BDNF: variants seen among roughly 807,000 people sequenced by gnomAD.
BDNF encodes brain derived neurotrophic factor.
Under a neutral mutation model 19.5 loss-of-function variants are expected in BDNF, and 1 was observed. The observed-to-expected ratio is 0.05, with a 90% confidence interval of 0.02 to 0.24. The LOEUF is 0.24. Ranked by LOEUF, BDNF falls within the 10% of genes least tolerant of loss-of-function variation. The pLI is 1.00. For synonymous variants in BDNF, 100 were observed against 121.6 expected, an observed-to-expected ratio of 0.82 and a Z score of 1.17; for missense variants, 195 against 317.6, an observed-to-expected ratio of 0.61 and a Z score of 2.93.
At chr11:27,700,519 C>CGGGGG, upstream of BDNF, 6 of 759,746 alleles carry the variant, frequency 7.9e-6, no homozygotes, top group Non-Finnish European at 8.7e-6. Context: ...CAAACGGCGC[C>CGGGGG]GCCCCCCCCC....
Position 27,683,587 on chromosome 11 carries a change from G to A in BDNF, c.-22+16577C>T, listed in dbSNP as rs375058510. Reference sequence around the variant, plus strand: ...CATCTTGAGTTAATTTTTGTATAACGTGTAAGGAAGGGGTCCAGTTTCAGT... The same window carrying A: ...CATCTTGAGTTAATTTTTGTATAACATGTAAGGAAGGGGTCCAGTTTCAGT... On this transcript the variant is annotated intron_variant, in intron 1 of 1. Transcript: ENST00000356660. 7.2e-4 allele frequency among the ~76,000 whole-genome samples: 110 copies of A among 152,220 alleles called. 5 individuals are homozygous for A. The South Asian group carries it at 0.022, about 30-fold the overall frequency.
At chr11:27,669,679 A>G (rs746010998) in intron 1 of BDNF, among the ~76,000 whole-genome samples, 63 of 152,226 alleles carry the variant, frequency 4.1e-4, no homozygotes, top group Non-Finnish European at 2.8e-4. Flanking sequence ...AGAATAAAAT[A>G]CTTAGGAATC....
intron 1 of BDNF, chr11:27,674,967 A>G: frequency 2.3e-6 from 2 of 865,000 alleles, no homozygotes; most frequent in Non-Finnish European, 2.8e-6. Flanking sequence ...AAATAATTTG[A>G]TTATCCACCA....
chr11:27,666,102 C>T (rs186421144), intron 1 of BDNF, among the ~76,000 whole-genome samples: 15 of 152,260 alleles, frequency 9.9e-5, no homozygotes, highest in East Asian at 9.7e-4. Flanking sequence ...CAACATTTGC[C>T]GTTCTGCAAT....
chr11:27,692,310 G>T (rs1415933729), intron 1 of BDNF, among the ~76,000 whole-genome samples: 1 of 152,064 alleles, frequency 6.6e-6, no homozygotes, highest in Non-Finnish European at 1.5e-5. Context: ...TTTCTAAAAG[G>T]GTTTCATTTC....
chr11:27,701,511 T>C (rs1859893345), upstream of BDNF: 3 of 988,712 alleles, frequency 3.0e-6, no homozygotes, highest in Admixed American at 6.0e-5. Context: ...GCGGAGGTAA[T>C]ACTCGCACCC....
At chr11:27,707,129 C>T (rs1418469724) in intron 1 of BDNF, among the ~76,000 whole-genome samples, 4 of 152,206 alleles carry the variant, frequency 2.6e-5, no homozygotes, top group Non-Finnish European at 5.9e-5. Flanking sequence ...TGAAGCTTTA[C>T]CTTTCACCTA....
rs565661103 is a variant in BDNF at position 27,656,811 on chromosome 11, T to TAA, written c.*1008_*1009dup. ...GGTTATTTTTTGTTGTTTTCTGTTC[T>TAA]AAAAAAAAATCACTGTTCTCCATGC... On this transcript the variant is annotated 3_prime_UTR_variant, in exon 2 of 2. Transcript: ENST00000356660. The TAA allele has an allele frequency of 3.0e-6, 3 of 983,734 alleles. No individual in the cohort carries two copies. Among genetic ancestry groups the TAA allele is most frequent in the Non-Finnish European group, 2.4e-6 (2 of 828,876 alleles). The allele number at this position is 983,734 out of a possible 1,614,324, so 60.9% of individuals were successfully genotyped here.
chr11:27,664,142 A>C (rs1362097729), intron 1 of BDNF, among the ~76,000 whole-genome samples: 13 of 152,178 alleles, frequency 8.5e-5, no homozygotes. Flanking sequence ...AGACAGTCCT[A>C]TAAAGATAAT....
At chr11:27,688,974 C>T (rs1157076284) in intron 1 of BDNF, among the ~76,000 whole-genome samples, 1 of 152,074 alleles carries the variant, frequency 6.6e-6, no homozygotes, top group Non-Finnish European at 1.5e-5. Flanking sequence ...TTCATTTTTC[C>T]CTCTAAGAGT....
chr11:27,697,625 T>A (rs1859257989), intron 1 of BDNF: 1 of 152,196 alleles, frequency 6.6e-6, no homozygotes, highest in Admixed American at 6.5e-5. Flanking sequence ...AAATGATGAC[T>A]TTCTTGGTTC....
intron 1 of BDNF, among the ~76,000 whole-genome samples, chr11:27,699,878 C>T (rs1036233609): frequency 6.6e-6 from 1 of 152,144 alleles, no homozygotes; most frequent in Admixed American, 6.5e-5. Context: ...CCCGGGTCGC[C>T]GTCTTTGCTC....
At chr11:27,668,287 A>T (rs1364925823) in intron 1 of BDNF, among the ~76,000 whole-genome samples, 2 of 152,226 alleles carry the variant, frequency 1.3e-5, no homozygotes, top group African/African-American at 4.8e-5. Context: ...AGGGAAATTT[A>T]TAGCACTAAA....
At chr11:27,720,291 G>A (rs1860699520) in intron 1 of BDNF, 1 of 977,874 alleles carries the variant, frequency 1.0e-6, no homozygotes, top group Non-Finnish European at 1.2e-6. Flanking sequence ...CCGGAAGACA[G>A]TATCAAAATA....
chr11:27,700,273 G>C lies in BDNF; in HGVS notation c.-131C>G, dbSNP rs1047048152. ...CCCCGTCGCGGTGCTGCTCCCCGCC[G>C]GCCCCACAGCAGCGGTGGGTGTCTC... On this transcript the variant is annotated 5_prime_UTR_variant, in exon 1 of 2. Transcript: ENST00000356660. 1.6e-5 allele frequency: 16 copies of C among 984,660 alleles called. No homozygotes were observed. Among genetic ancestry groups the C allele is most frequent in the Non-Finnish European group, 1.9e-5 (16 of 829,846 alleles). The allele number at this position is 984,660 out of a possible 1,614,324, so 61.0% of individuals were successfully genotyped here.
chr11:27,659,810 G>A (rs1320985964), intron 1 of BDNF, among the ~76,000 whole-genome samples: 1 of 152,166 alleles, frequency 6.6e-6, no homozygotes, highest in East Asian at 1.9e-4. Flanking sequence ...CTTCCTGTTT[G>A]CCAGAGGGTT....
At chr11:27,677,154 ACCT>A (rs1202559466) in intron 1 of BDNF, 2 of 152,074 alleles carry the variant, frequency 1.3e-5, no homozygotes, top group African/African-American at 4.8e-5. Context: ...AAGACTGCTC[ACCT>A]CCTATTTCTC....
intron 1 of BDNF, chr11:27,660,336 A>G (rs1207707135): frequency 4.5e-6 from 3 of 660,580 alleles, no homozygotes; most frequent in Non-Finnish European, 6.8e-6. Context: ...AAACATGCTT[A>G]GAACTGCTTA....
intron 1 of BDNF, among the ~76,000 whole-genome samples, chr11:27,716,755 T>A (rs968908938): frequency 4.6e-5 from 7 of 152,070 alleles, no homozygotes; most frequent in African/African-American, 1.7e-4. Flanking sequence ...AACCAAAGAG[T>A]AGCTTTACTG....
Sources: allele counts gnomAD v4.1 joint callset (sites outside exome capture counted in the v4.1 genomes callset), GRCh38; gene constraint gnomAD v4.1.1; transcripts MANE v1.5; gene names NCBI Gene and HGNC (gene_info 2026-07-23, HGNC 2026-07-21).